The following ARHGAP18 variants were observed in gnomAD, a reference collection of about 807,000 sequenced individuals.
ARHGAP18 encodes the protein rho GTPase-activating protein 18.
A neutral mutation model predicts 86.2 loss-of-function variants in ARHGAP18; 67 were observed. The ratio of observed to expected loss-of-function variants is 0.78; its 90% CI spans 0.64 to 0.95. The LOEUF (loss-of-function observed/expected upper bound fraction) is 0.95, where lower values mean the gene tolerates loss of function less well. Ranked by LOEUF, ARHGAP18 falls within the 40% of genes least tolerant of loss-of-function variation. The probability of loss-of-function intolerance (pLI) is 0.00; values close to 1 mark genes in which losing one functional copy is unlikely to be tolerated. For synonymous variants in ARHGAP18, 283 were observed against 280.4 expected, an observed-to-expected ratio of 1.01 and a Z score of -0.09; for missense variants, 691 against 780.4, an observed-to-expected ratio of 0.89 and a Z score of 1.37.
Position 129,608,003 on chromosome 6 carries a change from C to A in ARHGAP18, c.1172G>T (p.Trp391Leu), listed in dbSNP as rs780741805. ...EAKFYEGTFN[W>L]ESVKQHDAAS... is the part of the protein sequence containing the mutation. ...GGCATCATGCTGTTTGACACTTTCC[C>A]AATTAAAAGTCCCTTCATAAAACTT... Residue 391 changes from tryptophan (W) to leucine (L), a missense_variant, in exon 9 of 15, where the codon TGG becomes TTG. By Grantham distance (61) the Trp-to-Leu change is moderately conservative. Coordinates refer to ENST00000368149, the MANE Select transcript of ARHGAP18 (RefSeq NM_033515.3). 1.3e-6 allele frequency: 2 copies of A among 1,563,370 alleles called. No homozygotes were observed. The highest frequency in any genetic ancestry group is 1.7e-6 in the Non-Finnish European group (2 of 1,148,202).
rs374771260 is a variant in ARHGAP18 at position 129,640,042 on chromosome 6, C to CAAA, written c.317-1416_317-1414dup. Among the ~76,000 whole-genome samples, 286 of 72,744 alleles carry CAAA rather than the reference C, an allele frequency of 3.9e-3. 5 individuals are homozygous for CAAA. The highest frequency in any genetic ancestry group is 6.8e-3 in the African/African-American group (112 of 16,404). 47.7% of individuals were successfully genotyped at this position (72,744 alleles called of 152,430 possible). On this transcript the variant is annotated intron_variant, in intron 2 of 14. Coordinates refer to ENST00000368149, the MANE Select transcript of ARHGAP18 (RefSeq NM_033515.3). ...CCTGGGCGACAGAGTGAGACTGTCT[C>CAAA]AAAAAAAAAAAAAAAAAAAAAACAA...
At chr6:129,706,252 C>T (rs777148066) in intron 1 of ARHGAP18, among the ~76,000 whole-genome samples, 36 of 152,202 alleles carry the variant, frequency 2.4e-4, no homozygotes, top group Admixed American at 1.4e-3. Flanking sequence ...TATTAAGAAG[C>T]CTGCTTGAAA....
At chr6:129,697,084 C>T (rs960913053) in intron 1 of ARHGAP18, among the ~76,000 whole-genome samples, 1 of 152,186 alleles carries the variant, frequency 6.6e-6, no homozygotes, top group African/African-American at 2.4e-5. Flanking sequence ...GAAATCCTCG[C>T]TCTGGGGTAA....
At chr6:129,601,055 G>A (rs1205988078) in intron 10 of ARHGAP18, among the ~76,000 whole-genome samples, 2 of 152,162 alleles carry the variant, frequency 1.3e-5, no homozygotes, top group Non-Finnish European at 2.9e-5. Context: ...TAAGGACCAT[G>A]GTGCTGGGGA....
intron 10 of ARHGAP18, among the ~76,000 whole-genome samples, chr6:129,604,994 T>C (rs1334904167): frequency 6.6e-6 from 1 of 152,136 alleles, no homozygotes; most frequent in East Asian, 1.9e-4. Flanking sequence ...CTAGTAAATT[T>C]GTTTTCTTAA....
At position 129,618,695 on chromosome 6, in the gene ARHGAP18, T is replaced by C. The variant is rs974780803; in HGVS notation, c.944A>G (p.Lys315Arg). The change falls in exon 6 of 15, where the codon AAA becomes AGA. Residue 315 changes from lysine (K) to arginine (R), a missense_variant. By Grantham distance (26) the Lys-to-Arg change is conservative. Transcript: ENST00000368149. ...TATCATTTCATGATTACCTTTTGTT[T>C]TGATTTTCACAGCTTTTTGTTGTTT... is the stretch of plus-strand genomic sequence containing the variant. ...ELKQQKAVKI[K>R]TKDSGLFCVP... 2 of 1,603,858 alleles carry C rather than the reference T, an allele frequency of 1.2e-6. No homozygotes were observed. The highest frequency in any genetic ancestry group is 8.5e-7 in the Non-Finnish European group (1 of 1,174,726).
chr6:129,617,394 G>A (rs1036849685), intron 6 of ARHGAP18, among the ~76,000 whole-genome samples: 1 of 152,160 alleles, frequency 6.6e-6, no homozygotes, highest in Non-Finnish European at 1.5e-5. Flanking sequence ...TGGATATTGT[G>A]ACACTTAATC....
intron 4 of ARHGAP18, among the ~76,000 whole-genome samples, chr6:129,633,434 C>CA (rs34853507): frequency 0.016 from 1,674 of 104,382 alleles, 66 homozygotes; most frequent in African/African-American, 0.049. Flanking sequence ...GACTCCACCT[C>CA]AAAAAAAAAA....
intron 1 of ARHGAP18, among the ~76,000 whole-genome samples, chr6:129,708,562 A>G (rs976825166): frequency 6.6e-6 from 1 of 152,228 alleles, no homozygotes; most frequent in Non-Finnish European, 1.5e-5. Flanking sequence ...TTTGAGTCCT[A>G]CGTGAAAATG....
Position 129,577,729 on chromosome 6 carries a change from CA to C in ARHGAP18, c.*783del, listed in dbSNP as rs1410606162. On this transcript the variant is annotated 3_prime_UTR_variant, in exon 15 of 15. Coordinates refer to ENST00000368149, the MANE Select transcript of ARHGAP18 (RefSeq NM_033515.3). ...ATTCCATTTAGAAGAGTACAGTAGA[CA>C]GAAAGTGCTTTGGCTTTCACTCTCT... 7 of 152,114 alleles carry C rather than the reference CA, an allele frequency of 4.6e-5. No homozygotes were observed. The highest frequency in any genetic ancestry group is 1.7e-4 in the African/African-American group (7 of 41,426). The allele number at this position is 152,114 out of a possible 1,614,324, so 9.4% of individuals were successfully genotyped here.
At chr6:129,674,381 T>C (rs1192907564) in intron 1 of ARHGAP18, among the ~76,000 whole-genome samples, 1 of 152,204 alleles carries the variant, frequency 6.6e-6, no homozygotes, top group Non-Finnish European at 1.5e-5. Flanking sequence ...TAAAATTCTA[T>C]GGTTCTAGGA....
intron 3 of ARHGAP18, among the ~76,000 whole-genome samples, chr6:129,637,479 T>C (rs1421916995): frequency 1.3e-5 from 2 of 152,226 alleles, no homozygotes; most frequent in South Asian, 4.1e-4. Flanking sequence ...TTGTGTGCTG[T>C]CACTGTGCTA....
At position 129,695,676 on chromosome 6, in the gene ARHGAP18, G is replaced by A. The variant is rs111320405; in HGVS notation, c.113+14348C>T. On this transcript the variant is annotated intron_variant, in intron 1 of 14. Transcript: ENST00000368149. ...ATTACACTAAAATCTTAGCAATTCA[G>A]TGATCTGACAAAGCATCCCATCATT... 8.5e-3 allele frequency among the ~76,000 whole-genome samples: 1,289 copies of A among 152,288 alleles called. 22 individuals are homozygous for A. Among genetic ancestry groups the A allele is most frequent in the African/African-American group, 0.03 (1,242 of 41,556 alleles).
In ARHGAP18 at chr6:129,638,121, A is replaced by G. The variant is rs188748407; in HGVS notation, c.552+273T>C. Among the ~76,000 whole-genome samples, 418 of 152,252 alleles carry G rather than the reference A, an allele frequency of 2.7e-3. 2 individuals carry two copies. The highest frequency in any genetic ancestry group is 0.02 in the Middle Eastern group (6 of 294). ...AAGCTGTCCCTGTCACCCCTAGTGG[A>G]GTTAAAGTCACTTGTAATGCTCCAA... On this transcript the variant is annotated intron_variant, in intron 3 of 14. Transcript: ENST00000368149.
At chr6:129,697,516 G>C (rs1287433740) in intron 1 of ARHGAP18, among the ~76,000 whole-genome samples, 2 of 151,828 alleles carry the variant, frequency 1.3e-5, no homozygotes, top group Admixed American at 1.3e-4. Flanking sequence ...TTTTTCTGAG[G>C]CCTGCAATTT....
At chr6:129,582,064 A>C (rs1039120689) in intron 13 of ARHGAP18, among the ~76,000 whole-genome samples, 4 of 152,094 alleles carry the variant, frequency 2.6e-5, no homozygotes, top group African/African-American at 9.7e-5. Context: ...GCATAAGGAA[A>C]GGGGCTGAGG....
rs544136884 is a variant in ARHGAP18 at position 129,704,811 on chromosome 6, A to T, written c.113+5213T>A. Among the ~76,000 whole-genome samples, 107 of 152,292 alleles carry T rather than the reference A, an allele frequency of 7.0e-4. 2 individuals carry two copies. Among genetic ancestry groups the T allele is most frequent in the Admixed American group, 6.5e-3 (100 of 15,292 alleles). On this transcript the variant is annotated intron_variant, in intron 1 of 14. Coordinates refer to ENST00000368149, the MANE Select transcript of ARHGAP18 (RefSeq NM_033515.3). ...CCACTGCTCAAAACCCACTCCCTCA[A>T]TGGCTTCCCATCTTACTTTCAGCAA...
chr6:129,669,798 T>C (rs576160718), intron 1 of ARHGAP18, among the ~76,000 whole-genome samples: 1 of 151,584 alleles, frequency 6.6e-6, no homozygotes, highest in Non-Finnish European at 1.5e-5. Context: ...AAAAAATAAA[T>C]AAATTCAGGA....
intron 1 of ARHGAP18, among the ~76,000 whole-genome samples, chr6:129,692,891 C>A (rs905732299): frequency 2.0e-5 from 3 of 152,194 alleles, no homozygotes; most frequent in African/African-American, 7.2e-5. Context: ...GAAAAAGATC[C>A]ATGACTAAAA....
Sources: allele counts gnomAD v4.1 joint callset (sites outside exome capture counted in the v4.1 genomes callset), GRCh38; gene constraint gnomAD v4.1.1; transcripts MANE v1.5; gene names NCBI Gene and HGNC (gene_info 2026-07-23, HGNC 2026-07-21).